ANTXR1: variants seen among roughly 807,000 people sequenced by gnomAD.
ANTXR1 encodes the protein anthrax toxin receptor 1.
Under a neutral mutation model 78.1 loss-of-function variants are expected in ANTXR1, and 19 were observed. The ratio of observed to expected loss-of-function variants is 0.24; its 90% CI spans 0.17 to 0.36. The LOEUF (loss-of-function observed/expected upper bound fraction) is 0.36, where lower values mean the gene tolerates loss of function less well. Among genes scored for constraint, ANTXR1 ranks in the 10% least tolerant of loss-of-function variants. The probability of loss-of-function intolerance (pLI) is 1.00; values close to 1 mark genes in which losing one functional copy is unlikely to be tolerated. For missense variants in ANTXR1, 518 were observed against 718.6 expected, an observed-to-expected ratio of 0.72 and a Z score of 3.19; for synonymous variants, 273 against 260.5, an observed-to-expected ratio of 1.05 and a Z score of -0.46.
intron 13 of ANTXR1, among the ~76,000 whole-genome samples, chr2:69,159,361 C>G (rs958589803): frequency 6.6e-6 from 1 of 152,022 alleles, no homozygotes; most frequent in Non-Finnish European, 1.5e-5. Context: ...ATCACTTGAG[C>G]CCTAGAGTCT....
intron 17 of ANTXR1, among the ~76,000 whole-genome samples, chr2:69,209,210 T>A (rs1674980503): frequency 6.6e-6 from 1 of 152,208 alleles, no homozygotes; most frequent in African/African-American, 2.4e-5. Context: ...CTTTGAAAAA[T>A]TCCTGAGAAG....
At chr2:69,219,422 C>CACACACACACACACACA (rs58106996) in intron 17 of ANTXR1, among the ~76,000 whole-genome samples, 77 of 150,610 alleles carry the variant, frequency 5.1e-4, no homozygotes, top group East Asian at 1.8e-3. Flanking sequence ...CACACACACA[C>CACACACACACACACACA]CCTACTGATG....
At chr2:69,014,146 A>C (rs1267361110) in intron 1 of ANTXR1, among the ~76,000 whole-genome samples, 1 of 152,134 alleles carries the variant, frequency 6.6e-6, no homozygotes, top group Non-Finnish European at 1.5e-5. Context: ...GCTCCTAATC[A>C]TGTAATGCAT....
At chr2:69,017,086 A>G (rs556838160) in intron 1 of ANTXR1, among the ~76,000 whole-genome samples, 1 of 152,200 alleles carries the variant, frequency 6.6e-6, no homozygotes, top group Non-Finnish European at 1.5e-5. Context: ...CTGAATGAAA[A>G]ACTTGCTAGA....
chr2:69,099,174 C>T (rs1037340807), intron 9 of ANTXR1, among the ~76,000 whole-genome samples: 11 of 152,124 alleles, frequency 7.2e-5, no homozygotes, highest in South Asian at 2.1e-4. Flanking sequence ...TGTAGATCTG[C>T]GAATCTGGAC....
At chr2:69,157,513 A>G (rs1376559121) in intron 13 of ANTXR1, among the ~76,000 whole-genome samples, 4 of 151,610 alleles carry the variant, frequency 2.6e-5, no homozygotes, top group Non-Finnish European at 4.4e-5. Context: ...CTCTTCATCA[A>G]TGGATGTGCC....
chr2:69,106,286 T>G, intron 10 of ANTXR1, among the ~76,000 whole-genome samples: 1 of 152,244 alleles, frequency 6.6e-6, no homozygotes, highest in Non-Finnish European at 1.5e-5. Context: ...CCAAGACAGT[T>G]TCTAGATTTG....
At chr2:69,048,604 T>A (rs888310195) in intron 3 of ANTXR1, among the ~76,000 whole-genome samples, 1 of 152,200 alleles carries the variant, frequency 6.6e-6, no homozygotes, top group African/African-American at 2.4e-5. Context: ...CCCACACCAC[T>A]GTGTAATAAT....
At chr2:69,040,827 G>T (rs1355713484) in intron 2 of ANTXR1, among the ~76,000 whole-genome samples, 1 of 152,184 alleles carries the variant, frequency 6.6e-6, no homozygotes, top group African/African-American at 2.4e-5. Context: ...GGTAAAATTG[G>T]TCTGATCATC....
intron 17 of ANTXR1, among the ~76,000 whole-genome samples, chr2:69,239,675 C>T (rs1675850489): frequency 1.3e-5 from 2 of 152,158 alleles, no homozygotes; most frequent in Non-Finnish European, 2.9e-5. Flanking sequence ...AAGTGACTTG[C>T]CCCAGGTTTC....
chr2:69,223,589 G>C (rs1165149417), intron 17 of ANTXR1, among the ~76,000 whole-genome samples: 1 of 152,148 alleles, frequency 6.6e-6, no homozygotes, highest in Non-Finnish European at 1.5e-5. Flanking sequence ...ATGAAGCTTA[G>C]ATCAAACAAG....
chr2:69,214,169 G>A (rs1272745830), intron 17 of ANTXR1, among the ~76,000 whole-genome samples: 1 of 152,260 alleles, frequency 6.6e-6, no homozygotes. Context: ...GTCCTGTGAA[G>A]AGGAAGAAGA....
intron 8 of ANTXR1, among the ~76,000 whole-genome samples, chr2:69,083,491 G>C (rs1015524687): frequency 2.0e-5 from 3 of 152,152 alleles, no homozygotes; most frequent in Non-Finnish European, 2.9e-5. Flanking sequence ...TTGGACTCCA[G>C]TGGCACCAAT....
At chr2:69,216,668 C>CCTA (rs1675185775) in intron 17 of ANTXR1, among the ~76,000 whole-genome samples, 1 of 152,226 alleles carries the variant, frequency 6.6e-6, no homozygotes, top group African/African-American at 2.4e-5. Context: ...GACACTAGAC[C>CCTA]CTACTGCTCC....
At chr2:69,094,907 G>A (rs1445926057) in intron 9 of ANTXR1, among the ~76,000 whole-genome samples, 2 of 151,900 alleles carry the variant, frequency 1.3e-5, no homozygotes, top group East Asian at 1.9e-4. Context: ...AACAATTAAC[G>A]GTAAGATAGC....
At chr2:69,132,853 A>C (rs1372827085) in intron 12 of ANTXR1, among the ~76,000 whole-genome samples, 1 of 152,250 alleles carries the variant, frequency 6.6e-6, no homozygotes, top group Non-Finnish European at 1.5e-5. Flanking sequence ...AGGGACTCGA[A>C]GAATAGCCAG....
At chr2:69,134,035 A>T (rs1672837191) in intron 12 of ANTXR1, among the ~76,000 whole-genome samples, 1 of 152,130 alleles carries the variant, frequency 6.6e-6, no homozygotes, top group Admixed American at 6.5e-5. Context: ...TCTCTATATG[A>T]ATTTGTGCAG....
At chr2:69,075,729 T>C in intron 7 of ANTXR1, 71 bp downstream of exon 7, 1 of 1,375,702 alleles carries the variant, frequency 7.3e-7, no homozygotes, top group Non-Finnish European at 1.0e-6. Context: ...GTTCAGTCAG[T>C]GCAGAGGGAA....
intron 17 of ANTXR1, among the ~76,000 whole-genome samples, chr2:69,233,777 A>G (rs994370826): frequency 2.6e-5 from 4 of 152,004 alleles, no homozygotes; most frequent in Admixed American, 6.5e-5. Context: ...AATCAATGCA[A>G]TAAAACAAGA....
Sources: gnomAD v4.1 joint callset for allele counts (sites outside exome capture counted in the v4.1 genomes callset) on GRCh38, gnomAD v4.1.1 for gene constraint, MANE v1.5 for transcripts, NCBI Gene and HGNC (gene_info 2026-07-23, HGNC 2026-07-21) for gene names.